The following DNAH8 variants were observed in gnomAD, a reference collection of about 807,000 sequenced individuals.
The protein encoded by DNAH8 is axonemal beta dynein heavy chain 8.
In DNAH8, 382 loss-of-function variants were observed where a neutral mutation model predicts 562.1. The ratio of observed to expected loss-of-function variants is 0.68; its 90% confidence interval spans 0.63 to 0.74. The LOEUF (loss-of-function observed/expected upper bound fraction) is 0.74, where lower values mean the gene tolerates loss of function less well. Ranked by LOEUF, DNAH8 falls within the 30% of genes least tolerant of loss-of-function variation. The probability of loss-of-function intolerance (pLI) is 0.00; values close to 1 mark genes in which losing one functional copy is unlikely to be tolerated. For synonymous variants in DNAH8, 1,881 were observed against 1,919.4 expected (o/e 0.98, Z 0.52); for missense variants, 5,203 against 5,620.4 (o/e 0.93, Z 2.37).
chr6:38,889,065 A>T (rs968024985), intron 57 of DNAH8, among the ~76,000 whole-genome samples: 1 of 152,228 alleles, frequency 6.6e-6, no homozygotes, highest in African/African-American at 2.4e-5. Context: ...ATGCCAGCAG[A>T]CTTATACAAA....
At chr6:38,861,878 C>T (rs1334749373) in intron 43 of DNAH8, among the ~76,000 whole-genome samples, 1 of 151,642 alleles carries the variant, frequency 6.6e-6, no homozygotes, top group Non-Finnish European at 1.5e-5. Flanking sequence ...TTTGTGATAT[C>T]ACATTGGTAG....
In DNAH8 at chr6:38,833,326, G is replaced by C. The variant is rs115421325; in HGVS notation, c.4302+891G>C. Among the ~76,000 whole-genome samples the C allele has an allele frequency of 5.1e-3, 780 of 151,600 alleles. 7 individuals carry two copies. The highest frequency in any genetic ancestry group is 0.018 in the African/African-American group (757 of 41,306). On this transcript the variant is annotated intron_variant, in intron 31 of 92. Coordinates refer to ENST00000327475, the MANE Select transcript of DNAH8 (RefSeq NM_001206927.2). The stretch of plus-strand genomic sequence containing the variant: ...AAAGTAAATCTAAAATGGAGACCAG[G>C]TCTGAAGAGTCCCTGAACAGACACA...
At chr6:38,797,744 C>G (rs545819711) in intron 21 of DNAH8, among the ~76,000 whole-genome samples, 1 of 152,260 alleles carries the variant, frequency 6.6e-6, no homozygotes, top group African/African-American at 2.4e-5. Context: ...TAACATCTCC[C>G]CGCTGCACAT....
chr6:38,968,127 C>T (rs555212941), intron 82 of DNAH8, among the ~76,000 whole-genome samples: 2 of 152,224 alleles, frequency 1.3e-5, no homozygotes, highest in South Asian at 4.1e-4. Context: ...TACATCACAA[C>T]ATACACAAAA....
At chr6:38,880,052 G>A (rs1778347219) in intron 53 of DNAH8, among the ~76,000 whole-genome samples, 1 of 152,032 alleles carries the variant, frequency 6.6e-6, no homozygotes, top group African/African-American at 2.4e-5. Context: ...AGACCAGCCT[G>A]GCCAACATGG....
intron 65 of DNAH8, 47 bp from the exon 66 acceptor site, chr6:38,911,421 G>T (rs1405502517): frequency 2.3e-6 from 3 of 1,330,002 alleles, no homozygotes; most frequent in African/African-American, 2.9e-5. Flanking sequence ...CGTTTTATGG[G>T]AGTACGCACA....
Position 39,009,046 on chromosome 6 carries a change from G to A in DNAH8, c.13371+76G>A, listed in dbSNP as rs994643246. The A allele has an allele frequency of 3.7e-5, 40 of 1,088,432 alleles. 1 individual carries two copies. Among genetic ancestry groups the A allele is most frequent in the Non-Finnish European group, 4.8e-5 (36 of 751,378 alleles). 67.4% of individuals were successfully genotyped at this position (1,088,432 alleles called of 1,614,324 possible). On this transcript the variant is annotated intron_variant, in intron 89 of 92. Transcript: ENST00000327475. Reference sequence around the variant, plus strand: ...ACAGTAAGTTTGATTACCTTGAAAAGCAAGAAATCTACCTGTTGGTGACTA... The same window carrying A: ...ACAGTAAGTTTGATTACCTTGAAAAACAAGAAATCTACCTGTTGGTGACTA...
chr6:39,002,616 A>AGT (rs1765561959), intron 88 of DNAH8, among the ~76,000 whole-genome samples: 1 of 152,196 alleles, frequency 6.6e-6, no homozygotes, highest in Non-Finnish European at 1.5e-5. Flanking sequence ...TTTTAAGATA[A>AGT]GTGTCTTTTG....
chr6:38,977,463 G>A (rs988755857), intron 85 of DNAH8, among the ~76,000 whole-genome samples: 1 of 152,040 alleles, frequency 6.6e-6, no homozygotes, highest in Non-Finnish European at 1.5e-5. Flanking sequence ...CCAGGACCCT[G>A]GTGTGTGCCT....
chr6:38,806,697 C>T (rs560322913), intron 23 of DNAH8, among the ~76,000 whole-genome samples: 10 of 151,980 alleles, frequency 6.6e-5, no homozygotes, highest in African/African-American at 1.4e-4. Context: ...AGGAGAATGG[C>T]GTGAACCCGG....
intron 86 of DNAH8, among the ~76,000 whole-genome samples, chr6:38,983,911 A>G (rs1161809365): frequency 6.6e-6 from 1 of 152,208 alleles, no homozygotes; most frequent in Admixed American, 6.5e-5. Flanking sequence ...TACAATGAGT[A>G]TTATAGGTAA....
At chr6:38,904,693 G>A (rs1338832112) in intron 62 of DNAH8, among the ~76,000 whole-genome samples, 1 of 150,786 alleles carries the variant, frequency 6.6e-6, no homozygotes, top group Non-Finnish European at 1.5e-5. Flanking sequence ...TCAAGAGGCT[G>A]AGGCAGGAGA....
In DNAH8 at chr6:38,938,021, A is replaced by G. The variant is rs1783108302; in HGVS notation, c.11611A>G (p.Lys3871Glu). Reference sequence around the variant, plus strand: ...TCTCATTGGTGTACTTCGAACTACCAAGCAGACAGCAGCTGAGGTAAGTGA... The same window carrying G: ...TCTCATTGGTGTACTTCGAACTACCGAGCAGACAGCAGCTGAGGTAAGTGA... ...ESLIGVLRTT[K>E]QTAAEVSEKL... is the part of the protein sequence containing the mutation. The change falls in exon 78 of 93, where the codon AAG (lysine) becomes GAG (glutamate). Residue 3871 changes from lysine (K) to glutamate (E), a missense_variant. Around this residue, in one of 6 missense-constraint regions of DNAH8, gnomAD observed 1,399 missense variants for 1,518.4 expected, o/e 0.92. Transcript: ENST00000327475. The G allele has an allele frequency of 6.2e-7, 1 of 1,613,948 alleles. No individual in the cohort carries two copies. The highest frequency in any genetic ancestry group is 8.5e-7 in the Non-Finnish European group (1 of 1,179,988).
chr6:38,929,086 T>C (rs535943973), intron 74 of DNAH8, among the ~76,000 whole-genome samples: 1 of 152,296 alleles, frequency 6.6e-6, no homozygotes, highest in Admixed American at 6.5e-5. Flanking sequence ...TCTGACATTC[T>C]TATGTTTACT....
At chr6:39,001,842 G>T (rs920442996) in intron 88 of DNAH8, among the ~76,000 whole-genome samples, 2 of 152,122 alleles carry the variant, frequency 1.3e-5, no homozygotes, top group Admixed American at 6.6e-5. Flanking sequence ...TGGCAGTGCC[G>T]CACACAGAGG....
rs199885251 is a variant in DNAH8, at chr6:38,898,390, A to G, written c.9063+10A>G. 3.2e-6 allele frequency: 5 copies of G among 1,546,972 alleles called. No individual in the cohort carries two copies. Among genetic ancestry groups the G allele is most frequent in the East Asian group, 2.4e-5 (1 of 42,348 alleles). On this transcript the variant is annotated intron_variant, in intron 61 of 92. Transcript: ENST00000327475. ...GACTCATCTTATTAAGGTCCTAACT[A>G]TTGCCTATTTACTGATATAAATAGA...
At chr6:38,881,581 G>A (rs1012534666) in intron 53 of DNAH8, among the ~76,000 whole-genome samples, 3 of 129,584 alleles carry the variant, frequency 2.3e-5, no homozygotes, top group African/African-American at 5.9e-5. Context: ...ACGGAGTTTC[G>A]CTCTTTGTTG....
intron 32 of DNAH8, among the ~76,000 whole-genome samples, chr6:38,835,667 T>C (rs1209083428): frequency 4.6e-5 from 7 of 151,886 alleles, no homozygotes; most frequent in Non-Finnish European, 7.4e-5. Flanking sequence ...TAGGGCAATA[T>C]GGGGAGATGT....
At chr6:38,838,406 C>CT (rs201929222) in intron 33 of DNAH8, among the ~76,000 whole-genome samples, 58 of 149,566 alleles carry the variant, frequency 3.9e-4, no homozygotes, top group Non-Finnish European at 6.8e-4. Context: ...CCCTTGCCTT[C>CT]TTTTTTTTTT....
Sources: allele counts gnomAD v4.1 joint callset (sites outside exome capture counted in the v4.1 genomes callset), GRCh38; gene constraint gnomAD v4.1.1; regional missense constraint gnomAD v4.1.1; transcripts MANE v1.5; gene names NCBI Gene and HGNC (gene_info 2026-07-23, HGNC 2026-07-21).